SPAG9: variants seen among roughly 807,000 people sequenced by gnomAD.
SPAG9 encodes the protein sperm associated antigen 9, also known as C-Jun-amino-terminal kinase-interacting protein 4.
SPAG9 carries 35 observed loss-of-function variants against 166.5 expected under a neutral mutation model. The observed-to-expected ratio is 0.21, with a 90% CI of 0.16 to 0.28. The LOEUF (loss-of-function observed/expected upper bound fraction) is 0.28, where lower values mean the gene tolerates loss of function less well. Among genes scored for constraint, SPAG9 ranks in the 10% least tolerant of loss-of-function variants. The pLI, the probability that SPAG9 is intolerant of heterozygous loss-of-function variation, is 1.00. For synonymous variants in SPAG9, 534 were observed against 565.5 expected (o/e 0.94, Z 0.79); for missense variants, 1,235 against 1,603.3 (o/e 0.77, Z 3.92).
At position 50,965,408 on chromosome 17, in the gene SPAG9, A is replaced by G. The variant is rs954660422; in HGVS notation, c.*864T>C. ...ACATTTTTTACATGGAAAAAACTCA[A>G]TCAACATCACCATTCTCTGGTACAA... On this transcript the variant is annotated 3_prime_UTR_variant, in exon 30 of 30. Transcript: ENST00000262013. 6 of 152,218 alleles carry G rather than the reference A, an allele frequency of 3.9e-5. No homozygotes were observed. Among genetic ancestry groups the G allele is most frequent in the Non-Finnish European group, 8.8e-5 (6 of 68,030 alleles). The allele number at this position is 152,218 out of a possible 1,614,324, so 9.4% of individuals were successfully genotyped here.
chr17:50,990,359 T>G (rs1181084274), intron 20 of SPAG9, 91 bp downstream of exon 20: 1 of 992,968 alleles, frequency 1.0e-6, no homozygotes, highest in Non-Finnish European at 1.6e-6. Context: ...CTTTCAACCT[T>G]GTTACTTAAG....
chr17:51,096,002 T>C (rs1373816539), intron 1 of SPAG9, among the ~76,000 whole-genome samples: 1 of 124,934 alleles, frequency 8.0e-6, no homozygotes, highest in Non-Finnish European at 1.7e-5. Context: ...GATATATATA[T>C]AGTGATATAT....
At chr17:51,086,155 T>C (rs2048301031) in intron 1 of SPAG9, among the ~76,000 whole-genome samples, 1 of 151,774 alleles carries the variant, frequency 6.6e-6, no homozygotes, top group Admixed American at 6.6e-5. Context: ...AATTTTTGTA[T>C]TTTTGGTAGA....
intron 9 of SPAG9, among the ~76,000 whole-genome samples, chr17:51,011,602 C>T (rs539383766): frequency 2.0e-5 from 3 of 152,100 alleles, no homozygotes; most frequent in East Asian, 1.9e-4. Flanking sequence ...AGGCTGGTCT[C>T]GAACTCCTGA....
chr17:51,074,128 C>T (rs559492114), intron 2 of SPAG9, among the ~76,000 whole-genome samples: 266 of 152,152 alleles, frequency 1.7e-3, no homozygotes, highest in African/African-American at 6.3e-3. Context: ...CCCAGCTACT[C>T]GGGAGGCTGA....
chr17:50,983,127 TGAA>T (rs776043752), intron 24 of SPAG9, among the ~76,000 whole-genome samples: 1 of 152,220 alleles, frequency 6.6e-6, no homozygotes, highest in Non-Finnish European at 1.5e-5. Flanking sequence ...ACTAGAAATA[TGAA>T]GGAGAACCAG....
intron 2 of SPAG9, among the ~76,000 whole-genome samples, chr17:51,058,552 T>C (rs2047420455): frequency 6.6e-6 from 1 of 152,258 alleles, no homozygotes; most frequent in Non-Finnish European, 1.5e-5. Flanking sequence ...CTGTTTTGTA[T>C]ATTGGAGTTT....
At chr17:51,119,418 G>C (rs1186835452) in intron 1 of SPAG9, among the ~76,000 whole-genome samples, 1 of 152,128 alleles carries the variant, frequency 6.6e-6, no homozygotes, top group African/African-American at 2.4e-5. Flanking sequence ...CAGAAATAAC[G>C]CCAACGCAGG....
chr17:50,974,522 A>C (rs984036466), intron 28 of SPAG9, among the ~76,000 whole-genome samples: 9 of 152,222 alleles, frequency 5.9e-5, no homozygotes, highest in African/African-American at 2.2e-4. Flanking sequence ...ACTGCTTTTC[A>C]AAAGTAAGCA....
At chr17:51,083,026 A>T (rs1026539721) in intron 1 of SPAG9, among the ~76,000 whole-genome samples, 2 of 152,152 alleles carry the variant, frequency 1.3e-5, no homozygotes, top group East Asian at 3.9e-4. Context: ...GCAGACTGAC[A>T]TCTTTTTCCA....
At chr17:50,966,418 C>T (rs1476197894) in intron 29 of SPAG9, 31 bp from the exon 30 acceptor site, 2 of 1,290,544 alleles carry the variant, frequency 1.5e-6, no homozygotes, top group African/African-American at 1.5e-5. Context: ...TCAAGTTAGG[C>T]TGAACACATA....
At chr17:51,091,658 T>A (rs575363432) in intron 1 of SPAG9, among the ~76,000 whole-genome samples, 1,585 of 152,056 alleles carry the variant, frequency 0.01, 10 homozygotes, top group Non-Finnish European at 0.016. Context: ...CACTTTTTTT[T>A]AAGGACTAGG....
intron 1 of SPAG9, among the ~76,000 whole-genome samples, chr17:51,091,984 T>TAAAAAAAAAAAAAAAAAAAAAAAAAA (rs66581264): frequency 7.7e-6 from 1 of 129,272 alleles, no homozygotes. Context: ...CTCCCAAAGT[T>TAAAAAAAAAAAAAAAAAAAAAAAAAA]AAAAAAAAAA....
intron 6 of SPAG9, among the ~76,000 whole-genome samples, chr17:51,024,007 CATTA>C (rs2046052940): frequency 6.6e-6 from 1 of 152,150 alleles, no homozygotes; most frequent in Non-Finnish European, 1.5e-5. Context: ...ATACGAAAGG[CATTA>C]GCAGCCAGGC....
Position 51,079,716 on chromosome 17 carries a change from G to C in SPAG9, c.304-12C>G, listed in dbSNP as rs767869620. On this transcript the variant is annotated splice_polypyrimidine_tract_variant and intron_variant, in intron 1 of 29. Coordinates refer to ENST00000262013, the MANE Select transcript of SPAG9 (RefSeq NM_001130528.3). The stretch of plus-strand genomic sequence containing the variant: ...AATTCAATGAATTTCTAATAAAGAA[G>C]AACAATATAAATTTAATCAGAGAAA... The C allele has an allele frequency of 4.0e-6, 6 of 1,487,704 alleles. No homozygotes were observed. Among genetic ancestry groups the C allele is most frequent in the East Asian group, 2.3e-5 (1 of 44,262 alleles). The allele number at this position is 1,487,704 out of a possible 1,614,324, so 92.2% of individuals were successfully genotyped here.
intron 24 of SPAG9, among the ~76,000 whole-genome samples, chr17:50,983,960 T>C (rs1341450940): frequency 2.0e-5 from 3 of 152,202 alleles, no homozygotes; most frequent in African/African-American, 4.8e-5. Flanking sequence ...CTACTCCACA[T>C]TTCCCCAGCC....
chr17:51,067,941 T>C (rs2047720293), intron 2 of SPAG9, among the ~76,000 whole-genome samples: 1 of 152,232 alleles, frequency 6.6e-6, no homozygotes, highest in African/African-American at 2.4e-5. Flanking sequence ...CCTCCTGAGA[T>C]TGATGGCCTT....
chr17:51,099,433 CAAAAAAAAAA>C (rs34069450), intron 1 of SPAG9, among the ~76,000 whole-genome samples: 2 of 75,536 alleles, frequency 2.6e-5, no homozygotes, highest in African/African-American at 1.2e-4. Context: ...AACTCTGTCT[CAAAAAAAAAA>C]AAAAAAAAGG....
intron 17 of SPAG9, 99 bp downstream of exon 17, chr17:50,995,345 T>C: frequency 7.7e-7 from 1 of 1,293,408 alleles, no homozygotes. Flanking sequence ...AAATGAACAA[T>C]AACCTCACCA....
Sources: allele counts gnomAD v4.1 joint callset (sites outside exome capture counted in the v4.1 genomes callset), GRCh38; gene constraint gnomAD v4.1.1; transcripts MANE v1.5; gene names NCBI Gene and HGNC (gene_info 2026-07-23, HGNC 2026-07-21).